The following FHAD1 variants were observed in gnomAD, a reference collection of about 807,000 sequenced individuals.
FHAD1 encodes forkhead associated phosphopeptide binding domain 1, also known as forkhead-associated domain-containing protein 1.
A neutral mutation model predicts 191.3 loss-of-function variants in FHAD1; 146 were observed. The observed-to-expected ratio is 0.76, with a 90% CI of 0.67 to 0.88. The LOEUF (loss-of-function observed/expected upper bound fraction) is 0.88. Among genes scored for constraint, FHAD1 ranks in the 40% least tolerant of loss-of-function variants. FHAD1 has a pLI of 0.00. For missense variants in FHAD1, 1,635 were observed against 1,785.8 expected, an observed-to-expected ratio of 0.92 and a Z score of 1.52; for synonymous variants, 616 against 672.3, an observed-to-expected ratio of 0.92 and a Z score of 1.29.
intron 33 of FHAD1, among the ~76,000 whole-genome samples, chr1:15,395,604 G>C (rs1705678976): frequency 2.0e-5 from 3 of 152,130 alleles, no homozygotes; most frequent in Admixed American, 2.0e-4. Context: ...TATGGCCCGG[G>C]AGTGGGGTCA....
intron 20 of FHAD1, among the ~76,000 whole-genome samples, chr1:15,353,704 C>CAAAAAAAAAA (rs60518389): frequency 3.3e-5 from 2 of 60,990 alleles, no homozygotes; most frequent in East Asian, 6.8e-4. Context: ...GACTCCATCT[C>CAAAAAAAAAA]AAAAAAAAAA....
chr1:15,279,892 C>CA (rs948361312), intron 3 of FHAD1, among the ~76,000 whole-genome samples: 16 of 150,488 alleles, frequency 1.1e-4, no homozygotes, highest in South Asian at 2.1e-4. Flanking sequence ...GGAGGAAAAA[C>CA]AAAAAAAAAG....
intron 5 of FHAD1, among the ~76,000 whole-genome samples, chr1:15,299,923 G>T (rs895261220): frequency 1.3e-5 from 2 of 152,210 alleles, no homozygotes; most frequent in Non-Finnish European, 2.9e-5. Flanking sequence ...CTGGTCAGCA[G>T]TTGGGCTCCA....
At chr1:15,368,652 A>G (rs187546658) in intron 25 of FHAD1, among the ~76,000 whole-genome samples, 60 of 152,260 alleles carry the variant, frequency 3.9e-4, no homozygotes, top group African/African-American at 1.1e-3. Context: ...TCAAAGCCAG[A>G]CCCTAGACCA....
At chr1:15,343,741 C>T (rs975445952) in intron 16 of FHAD1, 8 of 152,170 alleles carry the variant, frequency 5.3e-5, no homozygotes, top group Admixed American at 3.3e-4. Context: ...AAGCCAGCAC[C>T]GTTCCATAGA....
intron 20 of FHAD1, among the ~76,000 whole-genome samples, chr1:15,354,749 G>A (rs1280388150): frequency 6.6e-6 from 1 of 152,176 alleles, no homozygotes; most frequent in Admixed American, 6.5e-5. Context: ...TGCAAGGGAA[G>A]GCCCAGCTGG....
At position 15,388,140 on chromosome 1, in the gene FHAD1, G is replaced by T. The variant is rs1702632689; in HGVS notation, c.4269+9G>T. The stretch of plus-strand genomic sequence containing the variant: ...AAGAGAAAGACAGGCAGGTATGGGA[G>T]GTGTTCTGATGTTGCAGACACAGAG... On this transcript the variant is annotated intron_variant, in intron 32 of 33. Transcript: ENST00000688493. 7.8e-7 allele frequency: 1 copy of T among 1,286,640 alleles called. No individual in the cohort carries two copies. Among genetic ancestry groups the T allele is most frequent in the African/African-American group, 1.5e-5 (1 of 65,570 alleles). The allele number at this position is 1,286,640 out of a possible 1,614,324, so 79.7% of individuals were successfully genotyped here. A position where few individuals can be genotyped will look rare whatever the true frequency, so the allele number is the denominator to read the frequency against.
downstream of FHAD1, among the ~76,000 whole-genome samples, chr1:15,398,925 A>G (rs985687673): frequency 2.0e-5 from 3 of 151,452 alleles, 1 homozygote; most frequent in South Asian, 4.2e-4. Context: ...GGTTCAAGCC[A>G]TTCTTCAGCC....
At chr1:15,340,656 G>C (rs1686218293) in intron 15 of FHAD1, among the ~76,000 whole-genome samples, 1 of 152,138 alleles carries the variant, frequency 6.6e-6, no homozygotes, top group African/African-American at 2.4e-5. Flanking sequence ...GGCACTGCAA[G>C]TTACATAGCC....
chr1:15,394,334 A>C (rs1216308486), intron 33 of FHAD1, among the ~76,000 whole-genome samples: 1 of 152,212 alleles, frequency 6.6e-6, no homozygotes, highest in Non-Finnish European at 1.5e-5. Flanking sequence ...ACACCGGCTC[A>C]GGGCACTGGC....
intron 6 of FHAD1, among the ~76,000 whole-genome samples, chr1:15,306,886 CCA>C (rs1670663928): frequency 6.6e-6 from 1 of 152,200 alleles, no homozygotes; most frequent in Non-Finnish European, 1.5e-5. Flanking sequence ...GTCAGAGCCC[CCA>C]CACAGAGTCC....
intron 10 of FHAD1, among the ~76,000 whole-genome samples, chr1:15,321,737 G>A (rs1481022444): frequency 1.3e-5 from 2 of 152,238 alleles, no homozygotes; most frequent in African/African-American, 4.8e-5. Context: ...TCAGGAGTGT[G>A]TGTACATTTG....
In FHAD1 at chr1:15,382,157, G is replaced by A; in HGVS notation, c.4152G>A (p.Gln1384=). The A allele has an allele frequency of 6.4e-7, 1 of 1,551,954 alleles. No homozygotes were observed. Among genetic ancestry groups the A allele is most frequent in the Non-Finnish European group, 8.7e-7 (1 of 1,147,098 alleles). ...ALERMEHQLC[Q]EKRINRAIRQ... ...AGCGCATGGAGCACCAGCTGTGCCA[G>A]GAGAAGAGGATCAACAGGGCCATCC... The change falls in exon 31 of 34, where the codon CAG becomes CAA. Residue 1384 remains glutamine (Q), a synonymous_variant. Coordinates refer to ENST00000688493, the MANE Select transcript of FHAD1 (RefSeq NM_001391957.1).
At position 15,373,298 on chromosome 1, in the gene FHAD1, C is replaced by T. The variant is rs1021740452; in HGVS notation, c.3448-1204C>T. 2.0e-5 allele frequency among the ~76,000 whole-genome samples: 3 copies of T among 148,748 alleles called. No homozygotes were observed. In the East Asian group the frequency reaches 5.8e-4, roughly 29 times the overall value. On this transcript the variant is annotated intron_variant, in intron 26 of 33. Transcript: ENST00000688493. ...GGCCGAGGGAGGCGGATCACGAGGT[C>T]AGGAGTTCGAGACCAGCCTGGCCAA...
chr1:15,313,150 A>C lies in FHAD1; in HGVS notation c.1133A>C (p.Lys378Thr). 6.4e-7 allele frequency: 1 copy of C among 1,551,990 alleles called. No homozygotes were observed. The highest frequency in any genetic ancestry group is 1.4e-5 in the African/African-American group (1 of 73,176). The change falls in exon 8 of 34, where the codon AAG becomes ACG. Residue 378 changes from lysine to threonine, a missense_variant. Coordinates refer to ENST00000688493, the MANE Select transcript of FHAD1 (RefSeq NM_001391957.1). ...GTCAGTCACCTAAAAAGTCAGAACA[A>C]GGACAAGGACCACCAGCTGGAAGCC... ...EEVSHLKSQN[K>T]DKDHQLEALG...
At chr1:15,396,656 A>G (rs1199266634) in intron 33 of FHAD1, among the ~76,000 whole-genome samples, 2 of 151,864 alleles carry the variant, frequency 1.3e-5, no homozygotes, top group South Asian at 4.2e-4. Context: ...CTAAAAATAC[A>G]AAAATTAGCC....
intron 2 of FHAD1, among the ~76,000 whole-genome samples, chr1:15,252,535 C>G (rs552607265): frequency 0.015 from 2,240 of 152,302 alleles, 46 homozygotes; most frequent in African/African-American, 0.051. Context: ...AGCTAGTCCT[C>G]AGTCTGGTCC....
chr1:15,308,637 A>G lies in FHAD1; in HGVS notation c.940A>G (p.Ser314Gly). 2 of 1,551,768 alleles carry G rather than the reference A, an allele frequency of 1.3e-6. No homozygotes were observed. Among genetic ancestry groups the G allele is most frequent in the Non-Finnish European group, 1.7e-6 (2 of 1,147,008 alleles). Residue 314 changes from serine (S) to glycine (G), a missense_variant, in exon 7 of 34, where the codon AGC (serine) becomes GGC (glycine). Physicochemically the swap from Ser to Gly is moderately conservative, Grantham distance 56. Transcript: ENST00000688493. ...GATCAGTGCCCTACAGAAAGGCTACAGCAAGGTGCTGTGCCAGACCCTGTC... is the reference window on the plus strand; with the variant it reads ...GATCAGTGCCCTACAGAAAGGCTACGGCAAGGTGCTGTGCCAGACCCTGTC... ...SQISALQKGY[S>G]KVLCQTLSER...
rs1020708220 is a variant in FHAD1, at chr1:15,328,584, GAA to G, written c.1710+160_1710+161del. On this transcript the variant is annotated intron_variant, in intron 13 of 33. Transcript: ENST00000688493. Reference sequence around the variant, plus strand: ...CTTGTTGGAGAAACTTGTTGGAGAAGAAAAAACAAAGGGCCTAAAAAAATGCC... The same window carrying G: ...CTTGTTGGAGAAACTTGTTGGAGAAGAAAACAAAGGGCCTAAAAAAATGCC... 5 of 664,666 alleles carry G rather than the reference GAA, an allele frequency of 7.5e-6. No homozygotes were observed. The African/African-American group carries it at 7.5e-5, about 10-fold the overall frequency. The allele number at this position is 664,666 out of a possible 1,614,324, so 41.2% of individuals were successfully genotyped here.
Sources: gnomAD v4.1 joint callset for allele counts (sites outside exome capture counted in the v4.1 genomes callset) on GRCh38, gnomAD v4.1.1 for gene constraint, MANE v1.5 for transcripts, NCBI Gene and HGNC (gene_info 2026-07-23, HGNC 2026-07-21) for gene names.